ABCB8: variants seen among roughly 807,000 people sequenced by gnomAD.
ABCB8 encodes mitochondrial potassium channel ATP-binding subunit.
ABCB8 carries 52 observed loss-of-function variants against 73.0 expected under a neutral mutation model. The observed-to-expected ratio is 0.71, with a 90% CI of 0.57 to 0.90. The LOEUF is 0.90. Ranked by LOEUF, ABCB8 falls within the 40% of genes least tolerant of loss-of-function variation. The pLI, the probability that ABCB8 is intolerant of heterozygous loss-of-function variation, is 0.00. For missense variants in ABCB8, 909 were observed against 974.6 expected (o/e 0.93, Z 0.90); for synonymous variants, 428 against 423.5 (o/e 1.01, Z -0.13).
At chr7:151,044,608 G>T (rs965812478) in intron 15 of ABCB8, among the ~76,000 whole-genome samples, 4 of 152,214 alleles carry the variant, frequency 2.6e-5, no homozygotes, top group African/African-American at 9.6e-5. Context: ...GCCGGATGTG[G>T]TGGCATGCAC....
chr7:151,042,868 G>A (rs1055034384), intron 14 of ABCB8, among the ~76,000 whole-genome samples: 3 of 152,246 alleles, frequency 2.0e-5, no homozygotes, highest in African/African-American at 7.2e-5. Context: ...TCCTCCAGCC[G>A]TGTTGATACA....
At position 151,043,898 on chromosome 7, in the gene ABCB8, G is replaced by A. The variant is rs1796541853; in HGVS notation, c.1766-73G>A. On this transcript the variant is annotated intron_variant, in intron 14 of 15. Coordinates refer to ENST00000358849, the MANE Select transcript of ABCB8 (RefSeq NM_007188.5). ...GAGGATCTTGATGGGCGTTCAGGAA[G>A]GACCCTGTGCCCCTTTGTGGGCCAC... 3 of 1,580,614 alleles carry A rather than the reference G, an allele frequency of 1.9e-6. No individual in the cohort carries two copies. In the South Asian group the frequency reaches 3.4e-5, roughly 18 times the overall value.
rs201093035 is a variant in ABCB8 at position 151,036,662 on chromosome 7, C to T, written c.1217+13C>T. On this transcript the variant is annotated intron_variant, in intron 9 of 15. Coordinates refer to ENST00000358849, the MANE Select transcript of ABCB8 (RefSeq NM_007188.5). The stretch of plus-strand genomic sequence containing the variant: ...AGACAGTGCAAAGGTAAGTGGGGGC[C>T]GTTCCCATTGCTACAGAGCCCCCTG... 303 of 1,581,696 alleles carry T rather than the reference C, an allele frequency of 1.9e-4. No individual in the cohort carries two copies. In the African/African-American group the frequency reaches 3.4e-3, roughly 18 times the overall value.
chr7:151,045,091 A>G, intron 15 of ABCB8, 118 bp from the exon 16 acceptor site: 3 of 1,281,444 alleles, frequency 2.3e-6, no homozygotes, highest in Non-Finnish European at 3.1e-6. Context: ...TGTCCCCAGA[A>G]GGGACACCGG....
chr7:151,031,170 C>A, intron 1 of ABCB8: 3 of 986,722 alleles, frequency 3.0e-6, no homozygotes, highest in Non-Finnish European at 4.6e-6. Flanking sequence ...CAAGCATAAA[C>A]ATTTGCGGAA....
chr7:151,036,644 G>A lies in ABCB8; in HGVS notation c.1212G>A (p.Val404=). The change falls in exon 9 of 16, where the codon GTG becomes GTA. Residue 404 remains valine (V), a synonymous_variant. Coordinates refer to ENST00000358849, the MANE Select transcript of ABCB8 (RefSeq NM_007188.5). ...CCTTCCTGGTGGCCTCCCAGACAGTGCAAAGGTAAGTGGGGGCCGTTCCCA... is the reference window on the plus strand; with the variant it reads ...CCTTCCTGGTGGCCTCCCAGACAGTACAAAGGTAAGTGGGGGCCGTTCCCA... ...LMSFLVASQT[V]QRSMANLSVL... The A allele has an allele frequency of 6.2e-7, 1 of 1,606,188 alleles. No homozygotes were observed. The highest frequency in any genetic ancestry group is 8.5e-7 in the Non-Finnish European group (1 of 1,175,358).
chr7:151,040,610 T>C lies in ABCB8; in HGVS notation c.1364T>C (p.Val455Ala). The C allele has an allele frequency of 6.2e-7, 1 of 1,613,010 alleles. No homozygotes were observed. Among genetic ancestry groups the C allele is most frequent in the East Asian group, 2.2e-5 (1 of 44,864 alleles). ...CVPKEQLRGSVTFQNVCFSYP... is the reference protein window; with the variant it reads ...CVPKEQLRGSATFQNVCFSYP... ...CCCAAAGAGCAGCTGCGTGGCTCCG[T>C]TACATTTCAGAACGTCTGCTTCAGG... Residue 455 changes from valine to alanine, a missense_variant, in exon 11 of 16, where the codon GTT becomes GCT. Coordinates refer to ENST00000358849, the MANE Select transcript of ABCB8 (RefSeq NM_007188.5).
chr7:151,032,506 C>T (rs1796190349), intron 1 of ABCB8, among the ~76,000 whole-genome samples: 1 of 152,052 alleles, frequency 6.6e-6, no homozygotes, highest in Admixed American at 6.6e-5. Context: ...CCAGCCTGGC[C>T]AATAAAGCGA....
At position 151,040,832 on chromosome 7, in the gene ABCB8, C is replaced by T. The variant is rs1290087160; in HGVS notation, c.1393C>T (p.Pro465Ser). 6.3e-7 allele frequency: 1 copy of T among 1,592,626 alleles called. No individual in the cohort carries two copies. Among genetic ancestry groups the T allele is most frequent in the East Asian group, 2.3e-5 (1 of 43,556 alleles). ...VTFQNVCFSY[P>S]CRPGFEVLKD... is the part of the protein sequence containing the mutation. ...GGGTCTCTCGGCTCCTCCCAGCTAC[C>T]CCTGCCGCCCCGGCTTCGAGGTGCT... The change falls in exon 12 of 16, where the codon CCC becomes TCC. Residue 465 changes from proline (P) to serine (S), a missense_variant. By Grantham distance (74) the Pro-to-Ser change is moderately conservative. Coordinates refer to ENST00000358849, the MANE Select transcript of ABCB8 (RefSeq NM_007188.5).
intron 9 of ABCB8, chr7:151,037,271 C>A: frequency 1.4e-6 from 1 of 703,054 alleles, no homozygotes. Context: ...GTCCGAATTC[C>A]CTTCCGCTGC....
At chr7:151,030,190 A>G (rs565613279) in intron 1 of ABCB8, among the ~76,000 whole-genome samples, 3 of 152,374 alleles carry the variant, frequency 2.0e-5, no homozygotes, top group Non-Finnish European at 4.4e-5. Context: ...TCAATAGATT[A>G]TGAAATGCAT....
intron 9 of ABCB8, chr7:151,037,298 T>A: frequency 1.4e-6 from 1 of 703,030 alleles, no homozygotes; most frequent in Non-Finnish European, 2.6e-6. Flanking sequence ...TGACATTCCA[T>A]GCATGGAAGG....
intron 13 of ABCB8, 22 bp downstream of exon 13, chr7:151,041,254 C>T: frequency 6.3e-7 from 1 of 1,584,780 alleles, no homozygotes; most frequent in Non-Finnish European, 8.5e-7. Flanking sequence ...CATGGGCAGC[C>T]CTTGGCTCCC....
chr7:151,028,743 A>C (rs1357097228), intron 1 of ABCB8, 133 bp downstream of exon 1: 26 of 1,535,486 alleles, frequency 1.7e-5, no homozygotes, highest in East Asian at 2.4e-5. Flanking sequence ...CCGGGGTGGA[A>C]TGTCACTCCG....
chr7:151,032,175 A>C, intron 1 of ABCB8, among the ~76,000 whole-genome samples: 1 of 150,838 alleles, frequency 6.6e-6, no homozygotes, highest in African/African-American at 2.4e-5. Flanking sequence ...CTCCACCCCC[A>C]CCTGTGCCTG....
intron 9 of ABCB8, chr7:151,037,228 A>G (rs1796334548): frequency 2.8e-6 from 2 of 702,990 alleles, no homozygotes; most frequent in South Asian, 3.0e-5. Flanking sequence ...GTCACTCCAC[A>G]TTGTGTCCTC....
At chr7:151,044,257 G>A in intron 15 of ABCB8, 36 bp downstream of exon 15, 1 of 1,583,952 alleles carries the variant, frequency 6.3e-7, no homozygotes, top group Non-Finnish European at 8.6e-7. Flanking sequence ...AGTGGGTTGA[G>A]GATGGCTTCA....
At chr7:151,037,277 G>T (rs78023969) in intron 9 of ABCB8, 32,200 of 702,878 alleles carry the variant, frequency 0.046, 905 homozygotes, top group Non-Finnish European at 0.061. Context: ...ATTCCCTTCC[G>T]CTGCAGGCTG....
rs1796481012 is a variant in ABCB8 at position 151,042,033 on chromosome 7, G to T, written c.1690G>T (p.Val564Leu). Residue 564 changes from valine (V) to leucine (L), a missense_variant, in exon 14 of 16, where the codon GTG (valine) becomes TTG (leucine). Val to Leu is a conservative substitution (Grantham distance 32). Transcript: ENST00000358849. Reference protein sequence around the residue: ...FGKLEASDEEVYTAAREANAH... With the variant: ...FGKLEASDEELYTAAREANAH... ...GAAGCTGGAAGCTTCCGATGAAGAG[G>T]TGTACACAGCCGCCCGGGAAGCGAA... 1 of 1,613,066 alleles carries T rather than the reference G, an allele frequency of 6.2e-7. No individual in the cohort carries two copies.
Sources: allele counts gnomAD v4.1 joint callset (sites outside exome capture counted in the v4.1 genomes callset), GRCh38; gene constraint gnomAD v4.1.1; transcripts MANE v1.5; gene names NCBI Gene and HGNC (gene_info 2026-07-23, HGNC 2026-07-21).